LPO: variants seen among roughly 807,000 people sequenced by gnomAD.
The protein encoded by LPO is salivary peroxidase.
LPO carries 70 observed loss-of-function variants against 68.4 expected under a neutral mutation model. The ratio of observed to expected loss-of-function variants is 1.02; its 90% CI spans 0.84 to 1.25. LPO has a LOEUF of 1.25. Ranked by LOEUF, LPO falls within the 50% of genes most tolerant of loss-of-function variation. The probability of loss-of-function intolerance (pLI) is 0.00; values close to 1 mark genes in which losing one functional copy is unlikely to be tolerated. For missense variants in LPO, 873 were observed against 908.4 expected (o/e 0.96, Z 0.50); for synonymous variants, 360 against 357.6 (o/e 1.01, Z -0.08).
intron 2 of LPO, 47 bp from the exon 3 acceptor site, chr17:58,243,947 G>C: frequency 2.4e-6 from 3 of 1,226,416 alleles, no homozygotes. Context: ...CATCGCAAAG[G>C]AGTGGTGTCT....
Position 58,252,359 on chromosome 17 carries a change from C to T in LPO, c.958C>T (p.Leu320Phe). Residue 320 changes from leucine to phenylalanine, a missense_variant, in exon 8 of 13, where the codon CTC (leucine) becomes TTC (phenylalanine). Coordinates refer to ENST00000262290, the MANE Select transcript of LPO (RefSeq NM_006151.3). ...CTCCGAGCCAAGCCTGGCCAGCCGC[C>T]TCCGCAACCTCAGCAGCCCCCTGGG... Reference protein sequence around the residue: ...YSSEPSLASRLRNLSSPLGLM... With the variant: ...YSSEPSLASRFRNLSSPLGLM... 6.2e-7 allele frequency: 1 copy of T among 1,614,220 alleles called. No homozygotes were observed.
chr17:58,266,477 T>C, intron 11 of LPO, 151 bp downstream of exon 11: 1 of 835,080 alleles, frequency 1.2e-6, no homozygotes. Context: ...GGTTTTTTTT[T>C]TGAGACAGGG....
chr17:58,257,720 G>A (rs1343872293), intron 9 of LPO, among the ~76,000 whole-genome samples: 1 of 152,212 alleles, frequency 6.6e-6, no homozygotes, highest in Non-Finnish European at 1.5e-5. Context: ...TCTCCAAACT[G>A]TTCTCCATAG....
In LPO at chr17:58,249,564, A is replaced by G. The variant is rs1453177742; in HGVS notation, c.444-2A>G. The G allele has an allele frequency of 6.2e-7, 1 of 1,603,876 alleles. No individual in the cohort carries two copies. The highest frequency in any genetic ancestry group is 8.5e-7 in the Non-Finnish European group (1 of 1,179,232). ...GCTCAGCGAGGATCGTGCTGGTTTC[A>G]GGAGGAAGCCTGCGCTGGGCGCCGC... On this transcript the variant is annotated splice_acceptor_variant, in intron 5 of 12. Coordinates refer to ENST00000262290, the MANE Select transcript of LPO (RefSeq NM_006151.3). LOFTEE classifies it high-confidence loss of function.
chr17:58,250,559 G>A lies in LPO; in HGVS notation c.718G>A (p.Glu240Lys), dbSNP rs150076343. Reference sequence around the variant, plus strand: ...CCCTGACACCGAGCTGGGGAGTAGCGAGTACTCCAAAGCCCAGTGTGATGA... The same window carrying A: ...CCCTGACACCGAGCTGGGGAGTAGCAAGTACTCCAAAGCCCAGTGTGATGA... ...FAPDTELGSS[E>K]YSKAQCDEYC... The change falls in exon 7 of 13, where the codon GAG becomes AAG. Residue 240 changes from glutamate to lysine, a missense_variant. Coordinates refer to ENST00000262290, the MANE Select transcript of LPO (RefSeq NM_006151.3). 491 of 1,614,096 alleles carry A rather than the reference G, an allele frequency of 3.0e-4. 1 individual carries two copies. The East Asian group carries it at 5.7e-3, about 19-fold the overall frequency.
intron 3 of LPO, among the ~76,000 whole-genome samples, chr17:58,245,494 C>T (rs935067324): frequency 6.6e-6 from 1 of 152,212 alleles, no homozygotes; most frequent in South Asian, 2.1e-4. Context: ...GAGCATCGGG[C>T]CCACTCCTTC....
chr17:58,247,397 A>C (rs1016343824), intron 3 of LPO, 81 bp from the exon 4 acceptor site: 1 of 1,326,468 alleles, frequency 7.5e-7, no homozygotes, highest in Non-Finnish European at 1.0e-6. Flanking sequence ...TGTTGTACAC[A>C]CACCCCTCCC....
chr17:58,248,837 C>G (rs1969900211), intron 4 of LPO, among the ~76,000 whole-genome samples: 1 of 152,256 alleles, frequency 6.6e-6, no homozygotes, highest in East Asian at 1.9e-4. Flanking sequence ...TTGGGCAAGT[C>G]TCTTGAACAT....
chr17:58,249,473 C>G, intron 5 of LPO, 93 bp from the exon 6 acceptor site: 4 of 1,505,530 alleles, frequency 2.7e-6, no homozygotes, highest in Non-Finnish European at 3.5e-6. Context: ...GTCCCCTCCG[C>G]CTCGAGCAGA....
rs149317856 is a variant in LPO, at chr17:58,252,199, C to G, written c.798C>G (p.Pro266=). Residue 266 remains proline (P), a synonymous_variant, in exon 8 of 13, where the codon CCC becomes CCG. Coordinates refer to ENST00000262290, the MANE Select transcript of LPO (RefSeq NM_006151.3). ...CTCTGCAGTTCCCACCCAATGACCC[C>G]AAGGCGGGGACTCAAGGGAAATGCA... ...CFPIMFPPND[P]KAGTQGKCMP... is the part of the protein sequence containing the mutation. 1.3e-4 allele frequency: 213 copies of G among 1,614,118 alleles called. No homozygotes were observed. The highest frequency in any genetic ancestry group is 1.7e-4 in the Non-Finnish European group (204 of 1,179,982).
intron 11 of LPO, among the ~76,000 whole-genome samples, 175 bp from the exon 12 acceptor site, chr17:58,267,174 C>A (rs1970283188): frequency 1.3e-5 from 2 of 152,220 alleles, no homozygotes; most frequent in Non-Finnish European, 1.5e-5. Flanking sequence ...ACTTAACCAA[C>A]TAGCCCCCTT....
At chr17:58,265,925 G>A (rs1278829686) in intron 10 of LPO, among the ~76,000 whole-genome samples, 4 of 151,954 alleles carry the variant, frequency 2.6e-5, no homozygotes, top group Non-Finnish European at 5.9e-5. Flanking sequence ...ATCATCCCAT[G>A]ACTGCCCCTT....
intron 2 of LPO, 137 bp downstream of exon 2, chr17:58,243,192 G>A (rs1006898644): frequency 1.9e-5 from 15 of 801,484 alleles, no homozygotes; most frequent in Non-Finnish European, 2.9e-5. Flanking sequence ...GCAGGGCTGT[G>A]CTCCCTCTGA....
intron 5 of LPO, 193 bp from the exon 6 acceptor site, chr17:58,249,373 C>T (rs1355599495): frequency 1.0e-5 from 10 of 962,696 alleles, no homozygotes; most frequent in Non-Finnish European, 1.5e-5. Flanking sequence ...TCTCTGGAAG[C>T]GGCACCTTTC....
At chr17:58,239,796 C>T (rs1302713657) in intron 1 of LPO, among the ~76,000 whole-genome samples, 2 of 152,150 alleles carry the variant, frequency 1.3e-5, no homozygotes, top group East Asian at 1.9e-4. Context: ...CCTTCTATGA[C>T]CTTCTGAGTC....
intron 9 of LPO, among the ~76,000 whole-genome samples, chr17:58,264,371 C>G (rs1225874484): frequency 6.7e-6 from 1 of 150,194 alleles, no homozygotes; most frequent in Non-Finnish European, 1.5e-5. Flanking sequence ...ATTCCTCTTG[C>G]CCTGACATTG....
chr17:58,240,092 G>A (rs1969725983), intron 1 of LPO, among the ~76,000 whole-genome samples: 1 of 152,158 alleles, frequency 6.6e-6, no homozygotes, highest in Admixed American at 6.5e-5. Context: ...TACTGTGGGA[G>A]GACAGAAAAA....
rs73314138 is a variant in LPO at position 58,250,949 on chromosome 17, C to T, written c.780+328C>T. ...CACTGGAGAAGGTTGTCTACATTCC[C>T]GACCCAGCAGCATTGGTAAAACCTG... On this transcript the variant is annotated intron_variant, in intron 7 of 12. Coordinates refer to ENST00000262290, the MANE Select transcript of LPO (RefSeq NM_006151.3). 1.7e-3 allele frequency: 548 copies of T among 321,668 alleles called. 6 individuals carry two copies. Among genetic ancestry groups the T allele is most frequent in the African/African-American group, 0.011 (513 of 47,730 alleles). 19.9% of individuals were successfully genotyped at this position (321,668 alleles called of 1,614,324 possible). A position where few individuals can be genotyped will look rare whatever the true frequency, so the allele number is the denominator to read the frequency against.
rs527324210 is a variant in LPO, at chr17:58,267,728, AC to A, written c.1932-58del. The A allele has an allele frequency of 1.2e-4, 178 of 1,531,626 alleles. No individual in the cohort carries two copies. In the African/African-American group the frequency reaches 2.3e-3, roughly 20 times the overall value. 94.9% of individuals were successfully genotyped at this position (1,531,626 alleles called of 1,614,324 possible). ...CCTGTGACCCTTTCCTTCCCCTGTG[AC>A]AGAGTGGGGAGGGGCCAGCGGCCAG... On this transcript the variant is annotated intron_variant, in intron 12 of 12. Coordinates refer to ENST00000262290, the MANE Select transcript of LPO (RefSeq NM_006151.3).
Sources: allele counts gnomAD v4.1 joint callset (sites outside exome capture counted in the v4.1 genomes callset), GRCh38; gene constraint gnomAD v4.1.1; transcripts MANE v1.5; gene names NCBI Gene and HGNC (gene_info 2026-07-23, HGNC 2026-07-21).